The following DLG2 variants were observed in gnomAD, a reference collection of about 807,000 sequenced individuals.
DLG2 encodes the protein disks large homolog 2.
DLG2 carries 45 observed loss-of-function variants against 132.5 expected under a neutral mutation model. The observed-to-expected ratio is 0.34, with a 90% CI of 0.27 to 0.44. The LOEUF is 0.44. Ranked by LOEUF, DLG2 falls within the 20% of genes least tolerant of loss-of-function variation. The pLI is 1.00. For synonymous variants in DLG2, 424 were observed against 419.6 expected (o/e 1.01, Z -0.13); for missense variants, 1,045 against 1,196.9 (o/e 0.87, Z 1.87).
chr11:85,221,621 T>C (rs4283005), intron 4 of DLG2, among the ~76,000 whole-genome samples: 12,647 of 152,284 alleles, frequency 0.083, 745 homozygotes, highest in Non-Finnish European at 0.12. Flanking sequence ...GGTAACAAAC[T>C]ATTTTTAAGA....
intron 6 of DLG2, among the ~76,000 whole-genome samples, chr11:84,598,071 T>C (rs2099567957): frequency 6.6e-6 from 1 of 152,194 alleles, no homozygotes; most frequent in Non-Finnish European, 1.5e-5. Flanking sequence ...TATTAAGATA[T>C]CCAAAGTTGC....
At chr11:84,155,826 C>A (rs1017094547) in intron 9 of DLG2, among the ~76,000 whole-genome samples, 2 of 152,088 alleles carry the variant, frequency 1.3e-5, no homozygotes, top group Non-Finnish European at 2.9e-5. Context: ...ATGAAGAGGA[C>A]ATCCATGGAT....
At position 84,278,579 on chromosome 11, in the gene DLG2, A is replaced by T. The variant is rs542888329; in HGVS notation, c.520-27288T>A. On this transcript the variant is annotated intron_variant, in intron 7 of 27. Transcript: ENST00000376104. ...CATGAATATACAAGCAAAAATTCTT[A>T]AAAAATTTTTTAGCAAATTTAATCG... Among the ~76,000 whole-genome samples the T allele has an allele frequency of 3.3e-4, 51 of 152,256 alleles. No individual in the cohort carries two copies. In the East Asian group the frequency reaches 8.7e-3, roughly 26 times the overall value.
At chr11:84,323,129 T>C (rs2098413709) in intron 7 of DLG2, among the ~76,000 whole-genome samples, 1 of 152,166 alleles carries the variant, frequency 6.6e-6, no homozygotes, top group Non-Finnish European at 1.5e-5. Context: ...CACAAGGTTG[T>C]AAAGCAGATC....
chr11:84,849,742 C>T (rs374395561), intron 6 of DLG2, among the ~76,000 whole-genome samples: 26 of 152,192 alleles, frequency 1.7e-4, no homozygotes, highest in South Asian at 6.2e-4. Flanking sequence ...GCACTTACAA[C>T]GACACTGTTG....
At chr11:83,691,052 G>C (rs1346174216) in intron 18 of DLG2, among the ~76,000 whole-genome samples, 1 of 152,132 alleles carries the variant, frequency 6.6e-6, no homozygotes, top group Non-Finnish European at 1.5e-5. Flanking sequence ...TATATGACTG[G>C]AGTCTACTGG....
chr11:83,618,899 G>GA (rs1329816316), intron 19 of DLG2, among the ~76,000 whole-genome samples: 3 of 152,172 alleles, frequency 2.0e-5, no homozygotes, highest in African/African-American at 7.2e-5. Context: ...TCCTGGAGCA[G>GA]AATTTGTGTT....
intron 3 of DLG2, among the ~76,000 whole-genome samples, chr11:85,301,453 G>C (rs186596880): frequency 6.6e-6 from 1 of 152,250 alleles, no homozygotes. Flanking sequence ...ACAAAAGACA[G>C]AGGCATAAAA....
intron 18 of DLG2, among the ~76,000 whole-genome samples, chr11:83,758,694 C>CA (rs1487403921): frequency 1.3e-5 from 2 of 151,956 alleles, no homozygotes; most frequent in East Asian, 3.9e-4. Flanking sequence ...CTGCTTAGTC[C>CA]AGTGCTTGAC....
chr11:83,633,947 A>T (rs992667811), intron 18 of DLG2, among the ~76,000 whole-genome samples: 2 of 151,446 alleles, frequency 1.3e-5, no homozygotes, highest in African/African-American at 4.9e-5. Flanking sequence ...AACAAAAAGC[A>T]AAAAGCAAAA....
At chr11:84,418,343 A>AT (rs2098937025) in intron 7 of DLG2, among the ~76,000 whole-genome samples, 1 of 152,220 alleles carries the variant, frequency 6.6e-6, no homozygotes, top group East Asian at 1.9e-4. Flanking sequence ...GGAAAAGATG[A>AT]TAAAAAGAAG....
intron 6 of DLG2, among the ~76,000 whole-genome samples, chr11:84,831,336 C>A (rs1174582627): frequency 6.6e-6 from 1 of 151,468 alleles, no homozygotes; most frequent in East Asian, 1.9e-4. Context: ...TCTACTCACC[C>A]CCTCCTCCAA....
rs753960593 is a variant in DLG2 at position 84,504,004 on chromosome 11, C to A, written c.519+30566G>T. ...ATCTGTCATGTCCATCACTGAAATA[C>A]GGATGTAGATATTTTTCCCAACACA... On this transcript the variant is annotated intron_variant, in intron 7 of 27. Transcript: ENST00000376104. Among the ~76,000 whole-genome samples, 8 of 152,224 alleles carry A rather than the reference C, an allele frequency of 5.3e-5. No homozygotes were observed. The East Asian group carries it at 5.8e-4, about 11-fold the overall frequency.
intron 17 of DLG2, among the ~76,000 whole-genome samples, chr11:83,792,969 CT>C (rs1256033098): frequency 2.0e-5 from 3 of 152,200 alleles, no homozygotes; most frequent in Admixed American, 2.0e-4. Flanking sequence ...CGACATTTGA[CT>C]TTTTCCATTC....
chr11:84,255,461 T>C (rs1306942740), intron 7 of DLG2, among the ~76,000 whole-genome samples: 1 of 152,088 alleles, frequency 6.6e-6, no homozygotes, highest in Non-Finnish European at 1.5e-5. Context: ...GTAGCTGGGA[T>C]TACAGGCACC....
At chr11:85,574,030 A>C (rs55681672) in intron 3 of DLG2, among the ~76,000 whole-genome samples, 13 of 152,152 alleles carry the variant, frequency 8.5e-5, no homozygotes, top group Non-Finnish European at 1.8e-4. Context: ...AAAAAAGGTA[A>C]AAGCTGATAA....
intron 18 of DLG2, among the ~76,000 whole-genome samples, chr11:83,712,977 A>G (rs1322117347): frequency 6.6e-6 from 1 of 151,176 alleles, no homozygotes; most frequent in Non-Finnish European, 1.5e-5. Flanking sequence ...ATAAAAGTTG[A>G]AAAAAAAAGA....
intron 16 of DLG2, among the ~76,000 whole-genome samples, chr11:83,841,264 C>T (rs2057459064): frequency 6.6e-6 from 1 of 152,140 alleles, no homozygotes. Flanking sequence ...AACTCAAATA[C>T]TTTTTATACT....
rs566299790 is a variant in DLG2 at position 85,338,356 on chromosome 11, CTT to C, written c.41-52993_41-52992del. Among the ~76,000 whole-genome samples, 579 of 152,302 alleles carry C rather than the reference CTT, an allele frequency of 3.8e-3. 7 individuals are homozygous for C. Among genetic ancestry groups the C allele is most frequent in the African/African-American group, 0.012 (501 of 41,568 alleles). On this transcript the variant is annotated intron_variant, in intron 3 of 27. Coordinates refer to ENST00000376104, the MANE Select transcript of DLG2 (RefSeq NM_001142699.3). ...TGGAACAGCATTTATGTACAAATCA[CTT>C]TGTCCCCAGCTTGCAGTATTCAATT...
Sources: allele counts gnomAD v4.1 joint callset (sites outside exome capture counted in the v4.1 genomes callset), GRCh38; gene constraint gnomAD v4.1.1; transcripts MANE v1.5; gene names NCBI Gene and HGNC (gene_info 2026-07-23, HGNC 2026-07-21).